ANKRD18B: variants seen among roughly 807,000 people sequenced by gnomAD.
ANKRD18B encodes the protein ankyrin repeat domain-containing protein 18B.
Under a neutral mutation model 111.8 loss-of-function variants are expected in ANKRD18B, and 75 were observed. That is an observed-to-expected ratio of 0.67 (90% confidence interval 0.56 to 0.81). ANKRD18B has a LOEUF of 0.81. ANKRD18B is among the 40% of genes least tolerant of loss of function. The pLI, the probability that ANKRD18B is intolerant of heterozygous loss-of-function variation, is 0.00. For missense variants in ANKRD18B, 1,038 were observed against 1,225.5 expected (o/e 0.85, Z 2.28); for synonymous variants, 356 against 417.3 (o/e 0.85, Z 1.79).
intron 10 of ANKRD18B, among the ~76,000 whole-genome samples, chr9:33,545,715 T>C (rs1828345071): frequency 6.6e-6 from 1 of 152,190 alleles, no homozygotes; most frequent in African/African-American, 2.4e-5. Flanking sequence ...CAGCAAGATA[T>C]GCAAAGGCTT....
intron 14 of ANKRD18B, among the ~76,000 whole-genome samples, chr9:33,563,299 G>A (rs1279092222): frequency 6.6e-6 from 1 of 152,120 alleles, no homozygotes; most frequent in African/African-American, 2.4e-5. Context: ...CTGTGGTTTG[G>A]AAAAAGATTG....
chr9:33,573,085 A>G, downstream of ANKRD18B: 1 of 981,126 alleles, frequency 1.0e-6, no homozygotes, highest in Non-Finnish European at 1.3e-6. Context: ...TGTCTTTTTG[A>G]TTTGTCCCCA....
intron 10 of ANKRD18B, among the ~76,000 whole-genome samples, chr9:33,544,040 C>T (rs2063274294): frequency 6.6e-6 from 1 of 152,130 alleles, no homozygotes; most frequent in Admixed American, 6.5e-5. Context: ...CATTTGCCTA[C>T]TCTTTAATTA....
intron 1 of ANKRD18B, among the ~76,000 whole-genome samples, chr9:33,525,194 A>T (rs542354706): frequency 6.6e-6 from 1 of 152,344 alleles, no homozygotes; most frequent in East Asian, 1.9e-4. Flanking sequence ...TCAAGGTTTT[A>T]TCATTTTTGC....
intron 1 of ANKRD18B, among the ~76,000 whole-genome samples, chr9:33,527,943 A>C (rs555175433): frequency 6.6e-6 from 1 of 152,358 alleles, no homozygotes; most frequent in South Asian, 2.1e-4. Context: ...ATCATCCTGC[A>C]AAATAGCAAT....
At chr9:33,554,125 C>T (rs1828486773) in intron 12 of ANKRD18B, among the ~76,000 whole-genome samples, 1 of 123,070 alleles carries the variant, frequency 8.1e-6, no homozygotes, top group Non-Finnish European at 1.7e-5. Context: ...TATACTGGCC[C>T]AAAAAAGAAG....
chr9:33,570,183 G>A (rs180748101), intron 17 of ANKRD18B, among the ~76,000 whole-genome samples: 1 of 152,290 alleles, frequency 6.6e-6, no homozygotes, highest in East Asian at 1.9e-4. Flanking sequence ...ACTATCCTAA[G>A]CAAACTAACG....
Position 33,524,699 on chromosome 9 carries a change from G to A in ANKRD18B, c.206+4G>A, listed in dbSNP as rs184140939. The A allele has an allele frequency of 1.2e-3, 1,914 of 1,548,888 alleles. 25 individuals carry two copies. In the African/African-American group the frequency reaches 0.024, roughly 19 times the overall value. ...ACGTCCGCGACAGAAAAGACAGGTA[G>A]CGGGGGCTCAGCCCTCGGTGGGAGG... is the stretch of plus-strand genomic sequence containing the variant. On this transcript the variant is annotated splice_donor_region_variant and intron_variant, in intron 1 of 18. Coordinates refer to ENST00000684830, the MANE Select transcript of ANKRD18B (RefSeq NM_001393611.1).
intron 11 of ANKRD18B, among the ~76,000 whole-genome samples, chr9:33,550,076 C>T (rs529806946): frequency 1.5e-3 from 232 of 152,212 alleles, no homozygotes; most frequent in African/African-American, 5.4e-3. Flanking sequence ...GCCATGTTAC[C>T]TAGGGCCTTG....
chr9:33,558,376 T>C (rs1173598606), intron 14 of ANKRD18B, among the ~76,000 whole-genome samples, 189 bp downstream of exon 14: 2 of 151,952 alleles, frequency 1.3e-5, no homozygotes, highest in Non-Finnish European at 1.5e-5. Flanking sequence ...CAAGCCCCAG[T>C]GTTTGTTGTT....
chr9:33,535,155 T>G (rs1026733161), intron 5 of ANKRD18B, among the ~76,000 whole-genome samples: 11 of 152,046 alleles, frequency 7.2e-5, no homozygotes, highest in African/African-American at 2.7e-4. Context: ...CTTGCTGTAT[T>G]GCTGCCATTG....
chr9:33,569,770 A>C (rs1254007089), intron 17 of ANKRD18B, among the ~76,000 whole-genome samples: 1 of 152,262 alleles, frequency 6.6e-6, no homozygotes, highest in East Asian at 1.9e-4. Context: ...GTGGTGGCTC[A>C]CGCCTGTAAT....
chr9:33,571,160 C>A lies in ANKRD18B; in HGVS notation c.3178-86C>A, dbSNP rs573850278. ...TAGTCACTAAAAATACTAAAGGCCA[C>A]ATTTTGTAAGTAATATGTTAATCTC... On this transcript the variant is annotated intron_variant, in intron 17 of 18. Transcript: ENST00000684830. 6.3e-4 allele frequency: 299 copies of A among 471,036 alleles called. 2 individuals are homozygous for A. Among genetic ancestry groups the A allele is most frequent in the Non-Finnish European group, 8.1e-4 (276 of 341,976 alleles). The allele number at this position is 471,036 out of a possible 1,614,324, so 29.2% of individuals were successfully genotyped here. A position where few individuals can be genotyped will look rare whatever the true frequency, so the allele number is the denominator to read the frequency against.
At chr9:33,569,890 C>A (rs1361276702) in intron 17 of ANKRD18B, among the ~76,000 whole-genome samples, 1 of 152,114 alleles carries the variant, frequency 6.6e-6, no homozygotes, top group Non-Finnish European at 1.5e-5. Flanking sequence ...AAAAATTAGC[C>A]AGGTGTTGTG....
At chr9:33,540,763 C>T (rs1408452986) in intron 8 of ANKRD18B, among the ~76,000 whole-genome samples, 1 of 152,028 alleles carries the variant, frequency 6.6e-6, no homozygotes, top group Non-Finnish European at 1.5e-5. Flanking sequence ...TGGTCTCTGT[C>T]GTAGCTACTC....
chr9:33,562,962 A>C (rs1436116078), intron 14 of ANKRD18B, among the ~76,000 whole-genome samples: 1 of 152,178 alleles, frequency 6.6e-6, no homozygotes, highest in Non-Finnish European at 1.5e-5. Context: ...TTTTCAAATC[A>C]TATGTCTTCT....
rs553811533 is a variant in ANKRD18B, at chr9:33,552,306, A to T, written c.2217+1727A>T. ...TTTGCCTTCCTTCACTATGTAGCCA[A>T]AACTGTATTTCTGGATGGTTGCCAG... On this transcript the variant is annotated intron_variant, in intron 12 of 18. Transcript: ENST00000684830. 1.8e-3 allele frequency among the ~76,000 whole-genome samples: 277 copies of T among 152,332 alleles called. 2 individuals carry two copies. The highest frequency in any genetic ancestry group is 6.4e-3 in the African/African-American group (266 of 41,570).
downstream of ANKRD18B, chr9:33,574,541 C>G (rs2118167248): frequency 6.5e-6 from 1 of 152,836 alleles, no homozygotes; most frequent in African/African-American, 2.4e-5. Flanking sequence ...CCAGCCCTCT[C>G]TGCTCTGCTC....
At chr9:33,561,912 A>T (rs141689724) in intron 14 of ANKRD18B, among the ~76,000 whole-genome samples, 9,963 of 152,196 alleles carry the variant, frequency 0.065, 386 homozygotes, top group South Asian at 0.1. Context: ...AATTGAATTT[A>T]CTGAGAAAAT....
Sources: allele counts gnomAD v4.1 joint callset (sites outside exome capture counted in the v4.1 genomes callset), GRCh38; gene constraint gnomAD v4.1.1; transcripts MANE v1.5; gene names NCBI Gene and HGNC (gene_info 2026-07-23, HGNC 2026-07-21).